Variants in HIVEP1 observed in about 807,000 individuals in gnomAD.
The protein encoded by HIVEP1 is HIVEP zinc finger 1, also known as zinc finger protein 40.
Under a neutral mutation model 180.0 loss-of-function variants are expected in HIVEP1, and 36 were observed. That is an observed-to-expected ratio of 0.20 (90% CI 0.15 to 0.26). HIVEP1 has a LOEUF of 0.26. HIVEP1 is among the 10% of genes least tolerant of loss of function. The pLI, the probability that HIVEP1 is intolerant of heterozygous loss-of-function variation, is 1.00. For synonymous variants in HIVEP1, 1,239 were observed against 1,239.0 expected, an observed-to-expected ratio of 1.00 and a Z score of 0.00; for missense variants, 3,143 against 3,268.7, an observed-to-expected ratio of 0.96 and a Z score of 0.94.
At chr6:12,187,922 G>C in the HIVEP1 span, among the ~76,000 whole-genome samples, 2 of 151,996 alleles carry the variant, frequency 1.3e-5, no homozygotes, top group Non-Finnish European at 1.5e-5. Flanking sequence ...CCTGTCTTAG[G>C]TATTCCTTTA....
chr6:12,099,068 C>T (rs1388637340), intron 3 of HIVEP1, among the ~76,000 whole-genome samples: 3 of 151,996 alleles, frequency 2.0e-5, no homozygotes, highest in South Asian at 2.1e-4. Flanking sequence ...TATGTAGTAA[C>T]ATTCATGCAT....
chr6:12,104,596 T>G (rs1355454293), intron 3 of HIVEP1, among the ~76,000 whole-genome samples: 1 of 151,880 alleles, frequency 6.6e-6, no homozygotes, highest in Non-Finnish European at 1.5e-5. Flanking sequence ...TATTTGTTTT[T>G]TGTTTTTGTT....
At chr6:12,077,619 C>T (rs115679099) in intron 2 of HIVEP1, among the ~76,000 whole-genome samples, 5,549 of 152,204 alleles carry the variant, frequency 0.036, 135 homozygotes, top group Middle Eastern at 0.058. Flanking sequence ...ATGATAAGTC[C>T]GGTGTCTGGG....
chr6:12,098,147 T>C (rs1773882841), intron 3 of HIVEP1, among the ~76,000 whole-genome samples: 2 of 152,212 alleles, frequency 1.3e-5, no homozygotes, highest in Non-Finnish European at 2.9e-5. Context: ...AGTGCTCTTA[T>C]AATTGATTAG....
intron 2 of HIVEP1, among the ~76,000 whole-genome samples, chr6:12,069,169 C>T (rs537577991): frequency 6.6e-6 from 1 of 152,324 alleles, no homozygotes; most frequent in African/African-American, 2.4e-5. Context: ...CACACGTAGC[C>T]TATATGGTAT....
At chr6:12,155,830 C>G (rs778584482) in intron 7 of HIVEP1, among the ~76,000 whole-genome samples, 1 of 152,244 alleles carries the variant, frequency 6.6e-6, no homozygotes, top group Non-Finnish European at 1.5e-5. Flanking sequence ...AATCACCACA[C>G]TGTCTTCCAC....
intron 2 of HIVEP1, among the ~76,000 whole-genome samples, chr6:12,071,742 T>C (rs1314124270): frequency 6.6e-6 from 1 of 152,242 alleles, no homozygotes; most frequent in Non-Finnish European, 1.5e-5. Flanking sequence ...GTTTTAAGGC[T>C]TTTCAGAAAT....
chr6:12,061,083 A>G (rs1160435445), intron 2 of HIVEP1, among the ~76,000 whole-genome samples: 2 of 152,046 alleles, frequency 1.3e-5, no homozygotes, highest in Non-Finnish European at 2.9e-5. Flanking sequence ...CGGCACAGAT[A>G]ATGGGGATGG....
intron 1 of HIVEP1, among the ~76,000 whole-genome samples, chr6:12,014,254 G>A (rs1767594930): frequency 1.3e-5 from 2 of 152,114 alleles, no homozygotes; most frequent in Admixed American, 1.3e-4. Flanking sequence ...GACTTGCTGC[G>A]CCTCTTGAAA....
At chr6:12,183,974 A>AAGATAGATAGATAGATAGATGAT in the HIVEP1 span, among the ~76,000 whole-genome samples, 2 of 134,792 alleles carry the variant, frequency 1.5e-5, no homozygotes, top group African/African-American at 2.9e-5. Flanking sequence ...TCACATTGTA[A>AAGATAGATAGATAGATAGATGAT]AGATAGATAG....
At chr6:12,051,001 CATATAT>C (rs1161977899) in intron 2 of HIVEP1, among the ~76,000 whole-genome samples, 805 of 77,632 alleles carry the variant, frequency 0.01, 22 homozygotes, top group South Asian at 0.03. Context: ...TACACAAGTG[CATATAT>C]ATATATATAT....
At chr6:12,148,769 G>A (rs1759519134) in intron 7 of HIVEP1, among the ~76,000 whole-genome samples, 1 of 152,112 alleles carries the variant, frequency 6.6e-6, no homozygotes, top group South Asian at 2.1e-4. Flanking sequence ...AGTGATTTTG[G>A]TGGCTTTTCA....
At chr6:12,067,705 G>T (rs966003211) in intron 2 of HIVEP1, among the ~76,000 whole-genome samples, 4 of 152,012 alleles carry the variant, frequency 2.6e-5, no homozygotes, top group African/African-American at 9.7e-5. Context: ...CCCAATTCCT[G>T]CCTGTCCTCC....
chr6:12,014,198 C>T (rs1767590689), intron 1 of HIVEP1, among the ~76,000 whole-genome samples: 1 of 152,152 alleles, frequency 6.6e-6, no homozygotes, highest in Non-Finnish European at 1.5e-5. Flanking sequence ...AGGGGTAAAG[C>T]CTGGCTTTGA....
chr6:12,132,412 G>C (rs1197741434), intron 6 of HIVEP1, among the ~76,000 whole-genome samples: 1 of 151,938 alleles, frequency 6.6e-6, no homozygotes, highest in African/African-American at 2.4e-5. Context: ...ATGGGAAATG[G>C]GTATTTCTCA....
At chr6:12,078,044 GT>G (rs994945585) in intron 2 of HIVEP1, among the ~76,000 whole-genome samples, 272 of 152,282 alleles carry the variant, frequency 1.8e-3, no homozygotes, top group African/African-American at 6.3e-3. Flanking sequence ...AGAGGACATT[GT>G]TTAGGTAAGA....
At chr6:12,149,091 A>T (rs1327111459) in intron 7 of HIVEP1, among the ~76,000 whole-genome samples, 2 of 152,130 alleles carry the variant, frequency 1.3e-5, no homozygotes, top group South Asian at 4.1e-4. Flanking sequence ...TTTCCTAACA[A>T]CAGGGTGGTA....
intron 2 of HIVEP1, among the ~76,000 whole-genome samples, chr6:12,052,200 T>G (rs1770588667): frequency 6.6e-6 from 1 of 152,230 alleles, no homozygotes; most frequent in Non-Finnish European, 1.5e-5. Flanking sequence ...AGGCAGATGA[T>G]GAATGTATTG....
chr6:12,170,812 G>GTGT, the HIVEP1 span, among the ~76,000 whole-genome samples: 1 of 152,162 alleles, frequency 6.6e-6, no homozygotes, highest in Non-Finnish European at 1.5e-5. Flanking sequence ...CTTTTCTAAT[G>GTGT]TGTTAATAAC....
Sources: allele counts gnomAD v4.1 joint callset (sites outside exome capture counted in the v4.1 genomes callset), GRCh38; gene constraint gnomAD v4.1.1; transcripts MANE v1.5; gene names NCBI Gene and HGNC (gene_info 2026-07-23, HGNC 2026-07-21).